Variants in FOCAD observed in about 807,000 individuals in gnomAD.
FOCAD encodes the protein focadhesin, also known as KIAA1797.
FOCAD carries 198 observed loss-of-function variants against 225.6 expected under a neutral mutation model. That is an observed-to-expected ratio of 0.88 (90% CI 0.78 to 0.99). FOCAD has a LOEUF of 0.99. FOCAD is among the 50% of genes least tolerant of loss of function. FOCAD has a pLI of 0.00. For missense variants in FOCAD, 2,713 were observed against 2,123.6 expected, an observed-to-expected ratio of 1.28 and a Z score of -5.46; for synonymous variants, 897 against 755.0, an observed-to-expected ratio of 1.19 and a Z score of -3.08.
At chr9:20,990,395 C>T in intron 42 of FOCAD, 21 bp downstream of exon 42, 1 of 1,610,578 alleles carries the variant, frequency 6.2e-7, no homozygotes. Context: ...CAGCCACCTG[C>T]TTAGCAGGGC....
At chr9:20,816,461 G>A (rs944635824) in intron 11 of FOCAD, among the ~76,000 whole-genome samples, 4 of 152,156 alleles carry the variant, frequency 2.6e-5, no homozygotes, top group Non-Finnish European at 5.9e-5. Context: ...TTCCAATCAA[G>A]TCTCTGCACT....
chr9:20,749,979 C>T (rs1424438196), intron 5 of FOCAD, among the ~76,000 whole-genome samples: 1 of 152,164 alleles, frequency 6.6e-6, no homozygotes, highest in East Asian at 1.9e-4. Flanking sequence ...ACTCCTTCCT[C>T]ACTCCATTCT....
At chr9:20,679,059 G>A (rs546284800) in intron 2 of FOCAD, among the ~76,000 whole-genome samples, 5 of 151,614 alleles carry the variant, frequency 3.3e-5, no homozygotes, top group African/African-American at 4.9e-5. Flanking sequence ...CCAGGAGGCC[G>A]GGTGAGTGAG....
At chr9:20,713,390 C>T (rs1045734133) in intron 1 of FOCAD, among the ~76,000 whole-genome samples, 1 of 152,220 alleles carries the variant, frequency 6.6e-6, no homozygotes, top group African/African-American at 2.4e-5. Context: ...TTTGGCTAAT[C>T]TAACTTCCTT....
intron 21 of FOCAD, among the ~76,000 whole-genome samples, chr9:20,897,667 T>C (rs1341741413): frequency 6.6e-6 from 1 of 151,812 alleles, no homozygotes; most frequent in African/African-American, 2.4e-5. Context: ...CCTAATTTTT[T>C]TCTCTCATTC....
chr9:20,786,854 AT>A lies in FOCAD; in HGVS notation c.1198-2495del, dbSNP rs566464747. ...TGTATTTTTCTGTGGTTTATTTTTTATTGATATATAATTCACATAACATAAA... is the reference window on the plus strand; with the variant it reads ...TGTATTTTTCTGTGGTTTATTTTTTATGATATATAATTCACATAACATAAA... On this transcript the variant is annotated intron_variant, in intron 10 of 43. Coordinates refer to ENST00000338382, the MANE Select transcript of FOCAD (RefSeq NM_001375567.1). 1.8e-3 allele frequency: 312 copies of A among 174,382 alleles called. 1 individual carries two copies. The highest frequency in any genetic ancestry group is 5.7e-3 in the African/African-American group (239 of 42,162). The allele number at this position is 174,382 out of a possible 1,614,324, so 10.8% of individuals were successfully genotyped here.
Position 20,981,505 on chromosome 9 carries a change from T to C in FOCAD, c.4457T>C (p.Val1486Ala), listed in dbSNP as rs774505828. 1 of 1,614,166 alleles carries C rather than the reference T, an allele frequency of 6.2e-7. No homozygotes were observed. The highest frequency in any genetic ancestry group is 8.5e-7 in the Non-Finnish European group (1 of 1,180,012). The change falls in exon 38 of 44, where the codon GTT becomes GCT. Residue 1486 changes from valine to alanine, a missense_variant. Physicochemically the swap from Val to Ala is moderately conservative, Grantham distance 64. Transcript: ENST00000338382. ...HISDEQILGF[V>A]ENLMVAVFKA... ...TCTGATGAACAGATCCTGGGTTTTG[T>C]TGAAAATTTAATGGTGGCAGTTTTT...
chr9:20,891,200 C>T (rs538220671), intron 21 of FOCAD, among the ~76,000 whole-genome samples: 1 of 152,266 alleles, frequency 6.6e-6, no homozygotes, highest in Admixed American at 6.5e-5. Context: ...TTTATTTCTT[C>T]ACCAACCAGA....
intron 5 of FOCAD, among the ~76,000 whole-genome samples, chr9:20,748,707 T>C (rs1406550948): frequency 1.3e-5 from 2 of 152,110 alleles, no homozygotes; most frequent in Admixed American, 6.6e-5. Context: ...ATTCTTTCTC[T>C]CTAGCTACAT....
rs771888442 is a variant in FOCAD at position 20,948,286 on chromosome 9, C to G, written c.3691C>G (p.Leu1231Val). The change falls in exon 31 of 44, where the codon CTG becomes GTG. Residue 1231 changes from leucine (L) to valine (V), a missense_variant. Transcript: ENST00000338382. ...TTTATATCAGACTTCAGGTTTTGCC[C>G]TGGCTTTAGGAAACATAGTTCATGG... ...ENSQQTSGFA[L>V]ALGNIVHGLS... is the part of the protein sequence containing the mutation. The G allele has an allele frequency of 1.9e-6, 3 of 1,607,486 alleles. No individual in the cohort carries two copies. The highest frequency in any genetic ancestry group is 2.5e-6 in the Non-Finnish European group (3 of 1,176,676).
chr9:20,923,591 A>G (rs1296126606), intron 24 of FOCAD, 69 bp from the exon 25 acceptor site: 5 of 1,193,342 alleles, frequency 4.2e-6, no homozygotes, highest in Admixed American at 1.9e-5. Flanking sequence ...CTGCCCTCCT[A>G]TATTAGCTCT....
intron 21 of FOCAD, among the ~76,000 whole-genome samples, chr9:20,898,189 A>C (rs1832261738): frequency 6.6e-6 from 1 of 151,836 alleles, no homozygotes; most frequent in Non-Finnish European, 1.5e-5. Context: ...TATGTAGTTT[A>C]AATACAATAT....
chr9:20,710,070 ATCT>A (rs930208860), intron 1 of FOCAD, among the ~76,000 whole-genome samples: 17 of 152,106 alleles, frequency 1.1e-4, no homozygotes, highest in South Asian at 4.2e-4. Flanking sequence ...ATAGCCCCAC[ATCT>A]TCTTCTGTAT....
intron 30 of FOCAD, among the ~76,000 whole-genome samples, chr9:20,947,617 C>T (rs938892209): frequency 6.6e-6 from 1 of 151,876 alleles, no homozygotes; most frequent in Non-Finnish European, 1.5e-5. Flanking sequence ...TGCCGCTGAA[C>T]TGGTATTCAC....
chr9:20,916,503 GCCA>G (rs1337298563), intron 23 of FOCAD, among the ~76,000 whole-genome samples: 3 of 152,172 alleles, frequency 2.0e-5, no homozygotes, highest in Non-Finnish European at 4.4e-5. Flanking sequence ...GCTTCTAAAT[GCCA>G]CCACATTGGG....
At chr9:20,924,561 T>C (rs1364169132) in intron 25 of FOCAD, among the ~76,000 whole-genome samples, 1 of 152,170 alleles carries the variant, frequency 6.6e-6, no homozygotes, top group Non-Finnish European at 1.5e-5. Context: ...GATACTAAGC[T>C]CTTATTAATA....
At chr9:20,725,169 CTCAA>C (rs750572388) in intron 4 of FOCAD, among the ~76,000 whole-genome samples, 17 of 152,322 alleles carry the variant, frequency 1.1e-4, no homozygotes, top group Admixed American at 8.5e-4. Flanking sequence ...GAGACTCCGT[CTCAA>C]TCAATCAATC....
At chr9:20,804,280 A>C (rs750814957) in intron 11 of FOCAD, among the ~76,000 whole-genome samples, 9 of 152,004 alleles carry the variant, frequency 5.9e-5, no homozygotes, top group Non-Finnish European at 8.8e-5. Flanking sequence ...AAGTATGCCC[A>C]TTCTGTTCCT....
chr9:20,882,766 A>C (rs1830782549), intron 20 of FOCAD, among the ~76,000 whole-genome samples: 1 of 152,226 alleles, frequency 6.6e-6, no homozygotes, highest in African/African-American at 2.4e-5. Flanking sequence ...CTTGAGCACA[A>C]GGCCAATTTC....
Sources: gnomAD v4.1 joint callset for allele counts (sites outside exome capture counted in the v4.1 genomes callset) on GRCh38, gnomAD v4.1.1 for gene constraint, MANE v1.5 for transcripts, NCBI Gene and HGNC (gene_info 2026-07-23, HGNC 2026-07-21) for gene names.